The following GADL1 variants were observed in gnomAD, a reference collection of about 807,000 sequenced individuals.
GADL1 encodes GAD like acidic amino acid decarboxylase 1, also known as acidic amino acid decarboxylase GADL1.
In GADL1, 71 loss-of-function variants were observed where a neutral mutation model predicts 69.5. The ratio of observed to expected loss-of-function variants is 1.02; its 90% confidence interval spans 0.84 to 1.25. The LOEUF (loss-of-function observed/expected upper bound fraction) is 1.25. Ranked by LOEUF, GADL1 falls within the 50% of genes most tolerant of loss-of-function variation. The pLI, the probability that GADL1 is intolerant of heterozygous loss-of-function variation, is 0.00. For missense variants in GADL1, 737 were observed against 631.8 expected (o/e 1.17, Z -1.79); for synonymous variants, 254 against 214.4 (o/e 1.18, Z -1.62).
intron 14 of GADL1, among the ~76,000 whole-genome samples, chr3:30,732,948 T>G (rs1415169958): frequency 6.6e-6 from 1 of 151,908 alleles, no homozygotes; most frequent in Non-Finnish European, 1.5e-5. Context: ...TCCCAACTAC[T>G]AGGGAGGCTG....
At position 30,876,590 on chromosome 3, in the gene GADL1, G is replaced by A. The variant is rs59303008; in HGVS notation, c.38-14825C>T. 0.013 allele frequency among the ~76,000 whole-genome samples: 2,011 copies of A among 152,056 alleles called. 102 individuals carry two copies. In the East Asian group the frequency reaches 0.16, roughly 12 times the overall value. On this transcript the variant is annotated intron_variant, in intron 1 of 14. Transcript: ENST00000282538. ...GAAAAAATAACAGAAACGGAGTAGA[G>A]TGTTTCTTCAGGTGTCTCTTCCATG...
rs374821877 is a variant in GADL1 at position 30,834,337 on chromosome 3, A to T, written c.904-56T>A. ...GTTATTTCAATGTTATTTGTTTACCAGTGGGTTGTCATAGAAAACCCTCAG... is the reference window on the plus strand; with the variant it reads ...GTTATTTCAATGTTATTTGTTTACCTGTGGGTTGTCATAGAAAACCCTCAG... On this transcript the variant is annotated intron_variant, in intron 9 of 14. Coordinates refer to ENST00000282538, the MANE Select transcript of GADL1 (RefSeq NM_207359.3). 43 of 1,461,458 alleles carry T rather than the reference A, an allele frequency of 2.9e-5. No homozygotes were observed. In the African/African-American group the frequency reaches 5.9e-4, roughly 20 times the overall value. 90.5% of individuals were successfully genotyped at this position (1,461,458 alleles called of 1,614,324 possible).
rs542826011 is a variant in GADL1, at chr3:30,840,668, G to A, written c.787-1555C>T. Among the ~76,000 whole-genome samples the A allele has an allele frequency of 1.1e-4, 16 of 152,248 alleles. No homozygotes were observed. The South Asian group carries it at 3.1e-3, about 30-fold the overall frequency. On this transcript the variant is annotated intron_variant, in intron 8 of 14. Transcript: ENST00000282538. Reference sequence around the variant, plus strand: ...AACTATATGACATCCTGACAGTCATGAGAAAATACATTTGCAAGCTATTAT... The same window carrying A: ...AACTATATGACATCCTGACAGTCATAAGAAAATACATTTGCAAGCTATTAT...
At chr3:30,777,912 C>T (rs1696573193) in intron 14 of GADL1, among the ~76,000 whole-genome samples, 1 of 152,192 alleles carries the variant, frequency 6.6e-6, no homozygotes, top group South Asian at 2.1e-4. Flanking sequence ...TGTCCCATGA[C>T]CAGATGTCAC....
At chr3:30,839,408 A>T (rs1271670696) in intron 8 of GADL1, among the ~76,000 whole-genome samples, 1 of 151,820 alleles carries the variant, frequency 6.6e-6, no homozygotes, top group Non-Finnish European at 1.5e-5. Flanking sequence ...TCCAGATAGA[A>T]ATTTAATAAC....
At chr3:30,822,094 A>G (rs1352860035) in intron 11 of GADL1, among the ~76,000 whole-genome samples, 1 of 152,100 alleles carries the variant, frequency 6.6e-6, no homozygotes, top group Non-Finnish European at 1.5e-5. Flanking sequence ...GTCTGGTATC[A>G]CTTGGAAACT....
At chr3:30,874,848 A>G (rs1353541737) in intron 1 of GADL1, among the ~76,000 whole-genome samples, 1 of 151,920 alleles carries the variant, frequency 6.6e-6, no homozygotes, top group Admixed American at 6.6e-5. Flanking sequence ...AGGGTATATC[A>G]GCTGTCTATA....
intron 13 of GADL1, among the ~76,000 whole-genome samples, chr3:30,783,646 AAAAAG>A (rs964644550): frequency 7.9e-6 from 1 of 126,142 alleles, no homozygotes; most frequent in African/African-American, 2.5e-5. Context: ...TCAGTGTAAT[AAAAAG>A]AAAAGCGGCA....
intron 14 of GADL1, among the ~76,000 whole-genome samples, chr3:30,755,311 T>C (rs1247965145): frequency 6.6e-6 from 1 of 152,142 alleles, no homozygotes; most frequent in African/African-American, 2.4e-5. Flanking sequence ...GCTTTTCTTA[T>C]TAAATAGCAA....
At chr3:30,814,602 G>A (rs1697425875) in intron 11 of GADL1, among the ~76,000 whole-genome samples, 1 of 151,908 alleles carries the variant, frequency 6.6e-6, no homozygotes, top group African/African-American at 2.4e-5. Flanking sequence ...TTAACCCAAG[G>A]GCCATAATTT....
At chr3:30,883,383 A>G (rs1002625627) in intron 1 of GADL1, among the ~76,000 whole-genome samples, 4 of 152,014 alleles carry the variant, frequency 2.6e-5, no homozygotes, top group African/African-American at 7.2e-5. Flanking sequence ...CAGTATTCCC[A>G]GCACCATTTA....
At chr3:30,756,323 A>G (rs1695968292) in intron 14 of GADL1, among the ~76,000 whole-genome samples, 2 of 152,202 alleles carry the variant, frequency 1.3e-5, no homozygotes, top group South Asian at 4.1e-4. Context: ...TTGACTATCT[A>G]GGATTCGTTG....
intron 9 of GADL1, among the ~76,000 whole-genome samples, chr3:30,836,934 A>G (rs573663405): frequency 6.7e-6 from 1 of 150,186 alleles, no homozygotes; most frequent in Non-Finnish European, 1.5e-5. Flanking sequence ...TTGTTTAAAA[A>G]ACGCATTATA....
chr3:30,863,912 G>T (rs991423533), intron 1 of GADL1, among the ~76,000 whole-genome samples: 1 of 152,008 alleles, frequency 6.6e-6, no homozygotes, highest in Non-Finnish European at 1.5e-5. Context: ...AGATAAAAAT[G>T]TTACAGGAAG....
chr3:30,758,005 T>G (rs956648187), intron 14 of GADL1, among the ~76,000 whole-genome samples: 2 of 152,312 alleles, frequency 1.3e-5, no homozygotes, highest in Non-Finnish European at 1.5e-5. Context: ...GTTTTCTCAA[T>G]TCCATGAGTT....
At chr3:30,864,378 T>C (rs932003324) in intron 1 of GADL1, among the ~76,000 whole-genome samples, 1 of 151,574 alleles carries the variant, frequency 6.6e-6, no homozygotes, top group African/African-American at 2.4e-5. Flanking sequence ...TGTGTGTGTG[T>C]CACACACATA....
At position 30,802,521 on chromosome 3, in the gene GADL1, A is replaced by G. The variant is rs116677804; in HGVS notation, c.1051-1433T>C. Among the ~76,000 whole-genome samples, 1,032 of 152,326 alleles carry G rather than the reference A, an allele frequency of 6.8e-3. 12 individuals are homozygous for G. Among genetic ancestry groups the G allele is most frequent in the African/African-American group, 0.024 (984 of 41,580 alleles). On this transcript the variant is annotated intron_variant, in intron 11 of 14. Coordinates refer to ENST00000282538, the MANE Select transcript of GADL1 (RefSeq NM_207359.3). ...TTCTCAGTAGACATGGCGGTCCTAGAAAATGTTTCCTTCTGATCAGAGAAT... is the reference window on the plus strand; with the variant it reads ...TTCTCAGTAGACATGGCGGTCCTAGGAAATGTTTCCTTCTGATCAGAGAAT...
chr3:30,846,846 A>G (rs548933581), intron 6 of GADL1, among the ~76,000 whole-genome samples: 2 of 152,128 alleles, frequency 1.3e-5, no homozygotes, highest in Non-Finnish European at 2.9e-5. Context: ...TCACCCAGCA[A>G]TCAGGAGGAA....
intron 14 of GADL1, among the ~76,000 whole-genome samples, chr3:30,748,185 T>G (rs1223446112): frequency 1.3e-5 from 2 of 152,238 alleles, no homozygotes; most frequent in East Asian, 3.8e-4. Context: ...TGGATTGATT[T>G]GGAACACCAT....
Sources: allele counts gnomAD v4.1 joint callset (sites outside exome capture counted in the v4.1 genomes callset), GRCh38; gene constraint gnomAD v4.1.1; transcripts MANE v1.5; gene names NCBI Gene and HGNC (gene_info 2026-07-23, HGNC 2026-07-21).